The following FGF14 variants were observed in gnomAD, a reference collection of about 807,000 sequenced individuals.
FGF14 encodes fibroblast growth factor 14.
In FGF14, 5 loss-of-function variants were observed where a neutral mutation model predicts 25.5. The observed-to-expected ratio is 0.20, with a 90% CI of 0.10 to 0.41. FGF14 has a LOEUF of 0.41. Among genes scored for constraint, FGF14 ranks in the 10% least tolerant of loss-of-function variants. FGF14 has a pLI of 1.00. For missense variants in FGF14, 222 were observed against 320.1 expected (o/e 0.69, Z 2.34); for synonymous variants, 138 against 118.3 (o/e 1.17, Z -1.08).
At chr13:102,055,802 C>T (rs749732870) in intron 1 of FGF14, among the ~76,000 whole-genome samples, 12 of 152,134 alleles carry the variant, frequency 7.9e-5, no homozygotes, top group South Asian at 6.2e-4. Flanking sequence ...AATACATACC[C>T]GAGACTGGGT....
intron 1 of FGF14, among the ~76,000 whole-genome samples, chr13:102,266,664 GATATTAAAC>G (rs1265614841): frequency 2.0e-5 from 3 of 152,004 alleles, no homozygotes; most frequent in African/African-American, 7.2e-5. Flanking sequence ...ATTTTAAAAA[GATATTAAAC>G]ATATAAAAGA....
chr13:101,767,258 G>A lies in FGF14; in HGVS notation c.409-40448C>T, dbSNP rs559968131. ...TACAGAGCTGTGGTTTGTCACCATC[G>A]CTGCCTTTGAGAATCTCCTGGGGAG... On this transcript the variant is annotated intron_variant, in intron 3 of 4. Coordinates refer to ENST00000376143, the MANE Select transcript of FGF14 (RefSeq NM_004115.4). 5.9e-5 allele frequency among the ~76,000 whole-genome samples: 9 copies of A among 152,188 alleles called. No individual in the cohort carries two copies. In the East Asian group the frequency reaches 7.8e-4, roughly 13 times the overall value.
chr13:101,832,301 C>T (rs1231299796), intron 3 of FGF14, among the ~76,000 whole-genome samples: 2 of 152,050 alleles, frequency 1.3e-5, no homozygotes, highest in Non-Finnish European at 2.9e-5. Flanking sequence ...TTTGAACAGA[C>T]TGAAACTGAT....
chr13:101,770,652 TC>T (rs1175709906), intron 3 of FGF14, among the ~76,000 whole-genome samples: 1 of 152,064 alleles, frequency 6.6e-6, no homozygotes, highest in African/African-American at 2.4e-5. Flanking sequence ...AATGAGTAAT[TC>T]CTGTTAAAGT....
intron 1 of FGF14, among the ~76,000 whole-genome samples, chr13:102,110,080 G>A (rs536049713): frequency 7.9e-5 from 12 of 152,240 alleles, no homozygotes; most frequent in South Asian, 6.2e-4. Context: ...TCTGTATTCC[G>A]TAATCATAAA....
chr13:101,732,399 G>T (rs1414389778), intron 3 of FGF14, among the ~76,000 whole-genome samples: 2 of 152,098 alleles, frequency 1.3e-5, no homozygotes, highest in African/African-American at 4.8e-5. Flanking sequence ...ATAGAGAAAC[G>T]ATATTAGACA....
chr13:102,278,627 A>AATATATATATAT (rs10578533), intron 1 of FGF14, among the ~76,000 whole-genome samples: 5,026 of 147,374 alleles, frequency 0.034, 146 homozygotes, highest in East Asian at 0.15. Context: ...CATTTTATGT[A>AATATATATATAT]ATATATATAT....
chr13:101,987,981 C>T (rs2038685314), intron 1 of FGF14, among the ~76,000 whole-genome samples: 1 of 151,956 alleles, frequency 6.6e-6, no homozygotes, highest in African/African-American at 2.4e-5. Context: ...CATTACCACT[C>T]TAGAATCACG....
At chr13:102,161,597 A>G (rs1188257316) in intron 1 of FGF14, among the ~76,000 whole-genome samples, 194 of 2,626 alleles carry the variant, frequency 0.074, 4 homozygotes, top group East Asian at 0.12. Flanking sequence ...AAGAAGAAGA[A>G]GAAGAAGAAG....
At chr13:102,293,803 TTCTG>T (rs1261947082) in intron 1 of FGF14, 2 of 152,324 alleles carry the variant, frequency 1.3e-5, no homozygotes, top group African/African-American at 4.8e-5. Flanking sequence ...TGGCTGGAAA[TTCTG>T]TCTGTGTGAT....
chr13:102,055,295 C>A (rs1246273654), intron 1 of FGF14, among the ~76,000 whole-genome samples: 1 of 152,186 alleles, frequency 6.6e-6, no homozygotes, highest in Non-Finnish European at 1.5e-5. Context: ...GCCTGACATG[C>A]CTTTCCTTGA....
chr13:101,871,681 AG>A (rs1384613917), intron 2 of FGF14, among the ~76,000 whole-genome samples: 1 of 152,058 alleles, frequency 6.6e-6, no homozygotes, highest in East Asian at 1.9e-4. Flanking sequence ...CATCCCCAAA[AG>A]CAAAGTGGGG....
chr13:101,889,186 A>G (rs9585801), intron 1 of FGF14, among the ~76,000 whole-genome samples: 57,610 of 151,960 alleles, frequency 0.38, 12,016 homozygotes, highest in African/African-American at 0.54. Context: ...CACCAAGTCT[A>G]TGATACTTTG....
At chr13:101,737,633 T>G (rs901886343) in intron 3 of FGF14, among the ~76,000 whole-genome samples, 3 of 152,158 alleles carry the variant, frequency 2.0e-5, no homozygotes, top group Non-Finnish European at 4.4e-5. Flanking sequence ...AAATTTGTGA[T>G]TTTTACTCTG....
chr13:102,160,813 CA>C (rs966508349), intron 1 of FGF14, among the ~76,000 whole-genome samples: 4 of 146,314 alleles, frequency 2.7e-5, no homozygotes, highest in East Asian at 2.0e-4. Flanking sequence ...TTTTTGGTGG[CA>C]AAAAAAAACA....
At chr13:101,893,335 G>A (rs577264619) in intron 1 of FGF14, among the ~76,000 whole-genome samples, 1 of 152,258 alleles carries the variant, frequency 6.6e-6, no homozygotes, top group East Asian at 1.9e-4. Context: ...ACAATATTCT[G>A]CAGCCAAGTG....
chr13:102,160,584 T>A (rs1462880708), intron 1 of FGF14, among the ~76,000 whole-genome samples: 2 of 151,950 alleles, frequency 1.3e-5, no homozygotes, highest in Non-Finnish European at 2.9e-5. Flanking sequence ...TTGGCAGATA[T>A]CGTATGCCTG....
At chr13:102,326,846 C>G (rs1344976971) in intron 1 of FGF14, among the ~76,000 whole-genome samples, 3 of 151,744 alleles carry the variant, frequency 2.0e-5, no homozygotes, top group Admixed American at 2.0e-4. Context: ...GAAATTGTGA[C>G]TAAAAAAGAG....
intron 1 of FGF14, among the ~76,000 whole-genome samples, chr13:102,051,892 A>C (rs1369152113): frequency 6.6e-6 from 1 of 152,198 alleles, no homozygotes; most frequent in Non-Finnish European, 1.5e-5. Flanking sequence ...AAAGACCATA[A>C]TAATCTCTTA....
Sources: allele counts gnomAD v4.1 joint callset (sites outside exome capture counted in the v4.1 genomes callset), GRCh38; gene constraint gnomAD v4.1.1; transcripts MANE v1.5; gene names NCBI Gene and HGNC (gene_info 2026-07-23, HGNC 2026-07-21).